CSMD1: variants seen among roughly 807,000 people sequenced by gnomAD.
The protein encoded by CSMD1 is CUB and Sushi multiple domains 1.
In CSMD1, 213 loss-of-function variants were observed where a neutral mutation model predicts 417.5. The ratio of observed to expected loss-of-function variants is 0.51; its 90% CI spans 0.46 to 0.57. CSMD1 has a LOEUF of 0.57. Among genes scored for constraint, CSMD1 ranks in the 20% least tolerant of loss-of-function variants. The pLI is 0.00. For missense variants in CSMD1, 6,923 were observed against 4,529.7 expected, an observed-to-expected ratio of 1.53 and a Z score of -15.17; for synonymous variants, 2,862 against 1,736.8, an observed-to-expected ratio of 1.65 and a Z score of -16.11.
intron 1 of CSMD1, among the ~76,000 whole-genome samples, chr8:4,745,270 G>A (rs1489097782): frequency 6.6e-6 from 1 of 152,034 alleles, no homozygotes; most frequent in South Asian, 2.1e-4. Flanking sequence ...TTTTTCCTCT[G>A]GCAGAAAATT....
At chr8:4,888,395 T>C (rs1394650485) in intron 1 of CSMD1, among the ~76,000 whole-genome samples, 2 of 152,016 alleles carry the variant, frequency 1.3e-5, no homozygotes, top group African/African-American at 4.8e-5. Flanking sequence ...GTATATTTTC[T>C]TATTTCCCAT....
At chr8:4,403,748 G>T (rs1804819924) in intron 3 of CSMD1, among the ~76,000 whole-genome samples, 1 of 152,004 alleles carries the variant, frequency 6.6e-6, no homozygotes, top group Non-Finnish European at 1.5e-5. Flanking sequence ...TCATCTTACT[G>T]CTAGCAACTC....
At chr8:4,423,171 G>C (rs947985728) in intron 2 of CSMD1, among the ~76,000 whole-genome samples, 3 of 152,028 alleles carry the variant, frequency 2.0e-5, no homozygotes, top group African/African-American at 4.8e-5. Flanking sequence ...AGAATGCTTT[G>C]AACATTCTTA....
At chr8:4,002,181 C>A (rs1289897091) in intron 4 of CSMD1, among the ~76,000 whole-genome samples, 2 of 151,838 alleles carry the variant, frequency 1.3e-5, no homozygotes, top group Non-Finnish European at 2.9e-5. Context: ...CAGAATGAGG[C>A]AAAATTAGTG....
rs572517119 is a variant in CSMD1 at position 3,657,405 on chromosome 8, G to C, written c.1010-40608C>G. Reference sequence around the variant, plus strand: ...AAACTGTATGGTATCAAAGGTCTCAGGCAGCAGGTGCAAACTAAGAAAATG... The same window carrying C: ...AAACTGTATGGTATCAAAGGTCTCACGCAGCAGGTGCAAACTAAGAAAATG... On this transcript the variant is annotated intron_variant, in intron 7 of 69. Transcript: ENST00000635120. Among the ~76,000 whole-genome samples, 12 of 152,200 alleles carry C rather than the reference G, an allele frequency of 7.9e-5. No homozygotes were observed. In the South Asian group the frequency reaches 2.3e-3, roughly 29 times the overall value.
chr8:4,354,124 C>T (rs1801259852), intron 3 of CSMD1, among the ~76,000 whole-genome samples: 1 of 152,114 alleles, frequency 6.6e-6, no homozygotes, highest in African/African-American at 2.4e-5. Flanking sequence ...AAGAACGCGC[C>T]TGAAAGTAAA....
intron 3 of CSMD1, among the ~76,000 whole-genome samples, chr8:4,380,568 C>T (rs74334046): frequency 1.3e-5 from 2 of 152,118 alleles, no homozygotes; most frequent in African/African-American, 4.8e-5. Context: ...TGGGATGGGA[C>T]CCGTGGATGG....
intron 2 of CSMD1, among the ~76,000 whole-genome samples, chr8:4,461,587 G>A (rs563154598): frequency 1.6e-4 from 24 of 151,598 alleles, no homozygotes; most frequent in Admixed American, 7.2e-4. Context: ...ACATCATCCC[G>A]TTGCCCAGTC....
intron 3 of CSMD1, among the ~76,000 whole-genome samples, chr8:4,062,979 A>G (rs1355075059): frequency 6.6e-6 from 1 of 152,184 alleles, no homozygotes; most frequent in Non-Finnish European, 1.5e-5. Flanking sequence ...AGGAATAAGG[A>G]AATAGGTAAT....
intron 1 of CSMD1, 137 bp from the exon 2 acceptor site, chr8:4,637,695 G>A (rs952376975): frequency 9.3e-5 from 49 of 529,628 alleles, no homozygotes; most frequent in African/African-American, 8.5e-4. Context: ...ACGGAGTCTC[G>A]CTCTGTCGCC....
chr8:4,597,495 A>T (rs1168876487), intron 2 of CSMD1, among the ~76,000 whole-genome samples: 1 of 152,310 alleles, frequency 6.6e-6, no homozygotes, highest in South Asian at 2.1e-4. Context: ...TGTATTTTTA[A>T]AAATATACTT....
intron 5 of CSMD1, among the ~76,000 whole-genome samples, chr8:3,888,552 T>C (rs777028994): frequency 1.3e-5 from 2 of 152,196 alleles, no homozygotes; most frequent in African/African-American, 2.4e-5. Context: ...GCCTCTTGTA[T>C]CAAGTACCAG....
chr8:4,049,466 C>T (rs555338655), intron 3 of CSMD1, among the ~76,000 whole-genome samples: 1 of 151,788 alleles, frequency 6.6e-6, no homozygotes, highest in South Asian at 2.1e-4. Context: ...CAGTCCCTGG[C>T]ATTCAAATAC....
At chr8:4,428,355 T>G (rs1272330527) in intron 2 of CSMD1, among the ~76,000 whole-genome samples, 2 of 152,200 alleles carry the variant, frequency 1.3e-5, no homozygotes, top group Non-Finnish European at 2.9e-5. Context: ...CTACTAGGGA[T>G]TAAAAGTAAT....
intron 3 of CSMD1, among the ~76,000 whole-genome samples, chr8:4,327,991 T>G (rs1799652957): frequency 6.6e-6 from 1 of 152,226 alleles, no homozygotes; most frequent in Admixed American, 6.5e-5. Flanking sequence ...CATTTACCAG[T>G]AAACTTTATT....
intron 3 of CSMD1, among the ~76,000 whole-genome samples, chr8:4,403,031 C>T (rs1409568589): frequency 2.6e-5 from 4 of 151,788 alleles, no homozygotes; most frequent in African/African-American, 9.7e-5. Flanking sequence ...CGGGGTTTCA[C>T]CACGTTGGCC....
chr8:4,157,656 G>A (rs920614244), intron 3 of CSMD1, among the ~76,000 whole-genome samples: 3 of 152,178 alleles, frequency 2.0e-5, no homozygotes, highest in Non-Finnish European at 4.4e-5. Context: ...TCTGTTATCT[G>A]GGCATGGGGT....
At position 4,458,305 on chromosome 8, in the gene CSMD1, T is replaced by G. The variant is rs537029236; in HGVS notation, c.303-38240A>C. On this transcript the variant is annotated intron_variant, in intron 2 of 69. Coordinates refer to ENST00000635120, the MANE Select transcript of CSMD1 (RefSeq NM_033225.6). The stretch of plus-strand genomic sequence containing the variant: ...GAGAAATATCTTTCTCCCTCTTTTT[T>G]TTTGTGTGCGCACAAGGGATCGATT... Among the ~76,000 whole-genome samples the G allele has an allele frequency of 5.3e-5, 8 of 152,308 alleles. No homozygotes were observed. The South Asian group carries it at 1.4e-3, about 28-fold the overall frequency.
intron 5 of CSMD1, among the ~76,000 whole-genome samples, chr8:3,990,096 C>T (rs896354924): frequency 1.3e-5 from 2 of 152,096 alleles, no homozygotes; most frequent in African/African-American, 4.8e-5. Flanking sequence ...CCTCAGAAGG[C>T]AGAGTGTTTT....
Sources: allele counts gnomAD v4.1 joint callset (sites outside exome capture counted in the v4.1 genomes callset), GRCh38; gene constraint gnomAD v4.1.1; transcripts MANE v1.5; gene names NCBI Gene and HGNC (gene_info 2026-07-23, HGNC 2026-07-21).